The following PTPRK variants were observed in gnomAD, a reference collection of about 807,000 sequenced individuals.
PTPRK encodes the protein receptor-type tyrosine-protein phosphatase kappa.
In PTPRK, 75 loss-of-function variants were observed where a neutral mutation model predicts 178.0. The observed-to-expected ratio is 0.42, with a 90% CI of 0.35 to 0.51. The LOEUF (loss-of-function observed/expected upper bound fraction) is 0.51, where lower values mean the gene tolerates loss of function less well. Among genes scored for constraint, PTPRK ranks in the 20% least tolerant of loss-of-function variants. The pLI is 0.02. For missense variants in PTPRK, 1,441 were observed against 1,797.8 expected (o/e 0.80, Z 3.59); for synonymous variants, 637 against 620.6 (o/e 1.03, Z -0.39).
chr6:128,035,017 G>T (rs1369896086), intron 13 of PTPRK, among the ~76,000 whole-genome samples: 2 of 152,160 alleles, frequency 1.3e-5, no homozygotes, highest in Non-Finnish European at 2.9e-5. Context: ...AGAAAATTTA[G>T]ACAGTGGTCA....
chr6:128,347,480 T>A (rs1227548082), intron 2 of PTPRK, among the ~76,000 whole-genome samples: 1 of 152,134 alleles, frequency 6.6e-6, no homozygotes, highest in South Asian at 2.1e-4. Flanking sequence ...TGAAGAAGGG[T>A]CAATGTGATA....
intron 1 of PTPRK, among the ~76,000 whole-genome samples, chr6:128,468,085 T>C (rs1221334278): frequency 6.6e-6 from 1 of 152,226 alleles, no homozygotes; most frequent in Non-Finnish European, 1.5e-5. Context: ...TTATATTCAG[T>C]ATCCTGCGTC....
chr6:128,326,283 A>G (rs1306119360), intron 2 of PTPRK, among the ~76,000 whole-genome samples: 3 of 152,160 alleles, frequency 2.0e-5, no homozygotes, highest in African/African-American at 7.2e-5. Flanking sequence ...CATTCTGCAT[A>G]TGTATCTCAG....
rs867569794 is a variant in PTPRK at position 128,238,888 on chromosome 6, G to A, written c.693+1147C>T. ...AAAGTAGTAATAATTAGATTAATAT[G>A]AAGTACACCTGTTGTAACCTCCAAT... On this transcript the variant is annotated intron_variant, in intron 5 of 29. Transcript: ENST00000368226. 1.1e-4 allele frequency among the ~76,000 whole-genome samples: 17 copies of A among 152,224 alleles called. No individual in the cohort carries two copies. The Middle Eastern group carries it at 0.01, about 91-fold the overall frequency.
At chr6:128,205,777 CAAAAAA>C (rs57003128) in intron 6 of PTPRK, among the ~76,000 whole-genome samples, 9 of 15,226 alleles carry the variant, frequency 5.9e-4, no homozygotes, top group African/African-American at 1.9e-3. Flanking sequence ...CATCACAGAC[CAAAAAA>C]AAAAAAAAAA....
At chr6:128,105,158 G>C (rs1284538534) in intron 7 of PTPRK, among the ~76,000 whole-genome samples, 1 of 150,174 alleles carries the variant, frequency 6.7e-6, no homozygotes, top group African/African-American at 2.5e-5. Context: ...TTTTGAGACG[G>C]AGTCTTGCTC....
intron 7 of PTPRK, among the ~76,000 whole-genome samples, chr6:128,166,010 T>A (rs1185843528): frequency 6.6e-6 from 1 of 151,712 alleles, no homozygotes; most frequent in Non-Finnish European, 1.5e-5. Flanking sequence ...TAGATATATG[T>A]AAGGATAAAG....
intron 2 of PTPRK, among the ~76,000 whole-genome samples, chr6:128,375,031 T>C (rs933533576): frequency 6.6e-6 from 1 of 150,748 alleles, no homozygotes; most frequent in African/African-American, 2.4e-5. Flanking sequence ...AGGTCTTTAA[T>C]TTTCTCCATG....
intron 7 of PTPRK, among the ~76,000 whole-genome samples, chr6:128,181,840 A>G (rs776397597): frequency 3.3e-5 from 5 of 152,270 alleles, no homozygotes; most frequent in Non-Finnish European, 5.9e-5. Context: ...GTATTTAATT[A>G]TACTATATAT....
intron 2 of PTPRK, among the ~76,000 whole-genome samples, chr6:128,377,721 GA>G (rs1334447106): frequency 1.4e-5 from 2 of 144,742 alleles, no homozygotes; most frequent in African/African-American, 2.6e-5. Context: ...AAAAAAAAAA[GA>G]AAAAAAACCC....
At chr6:128,354,781 C>T (rs558748582) in intron 2 of PTPRK, among the ~76,000 whole-genome samples, 5 of 152,306 alleles carry the variant, frequency 3.3e-5, no homozygotes, top group African/African-American at 1.2e-4. Flanking sequence ...TTTAAACTAA[C>T]TTGCTTAAGA....
chr6:128,284,169 A>T (rs1317545888), intron 3 of PTPRK, among the ~76,000 whole-genome samples: 1 of 152,192 alleles, frequency 6.6e-6, no homozygotes, highest in Admixed American at 6.5e-5. Context: ...GACTTCTGTA[A>T]TTCACAGAAA....
rs113798536 is a variant in PTPRK at position 128,334,775 on chromosome 6, A to G, written c.224-12465T>C. Among the ~76,000 whole-genome samples the G allele has an allele frequency of 6.9e-3, 1,056 of 152,242 alleles. 10 individuals carry two copies. Among genetic ancestry groups the G allele is most frequent in the Middle Eastern group, 0.014 (4 of 294 alleles). On this transcript the variant is annotated intron_variant, in intron 2 of 29. Coordinates refer to ENST00000368226, the MANE Select transcript of PTPRK (RefSeq NM_002844.4). Reference sequence around the variant, plus strand: ...AAAATATAATCTCCCCCATCACCCAAATAAAAGCATATTCCTGTTTATGAA... The same window carrying G: ...AAAATATAATCTCCCCCATCACCCAGATAAAAGCATATTCCTGTTTATGAA...
intron 1 of PTPRK, among the ~76,000 whole-genome samples, chr6:128,510,169 C>T (rs1856961938): frequency 1.3e-5 from 2 of 152,176 alleles, no homozygotes. Context: ...CTGTCTACAC[C>T]CCTATGTGCC....
At chr6:128,213,195 C>A (rs531624297) in intron 6 of PTPRK, among the ~76,000 whole-genome samples, 5 of 152,098 alleles carry the variant, frequency 3.3e-5, no homozygotes, top group African/African-American at 1.2e-4. Flanking sequence ...GAACATCTAG[C>A]ACTCTTTTGC....
At chr6:128,413,277 C>T (rs1842500065) in intron 1 of PTPRK, among the ~76,000 whole-genome samples, 1 of 152,114 alleles carries the variant, frequency 6.6e-6, no homozygotes, top group South Asian at 2.1e-4. Flanking sequence ...TAGAGTACTG[C>T]ACAGACCAGG....
chr6:128,412,548 T>A (rs722796), intron 1 of PTPRK, among the ~76,000 whole-genome samples: 26,507 of 152,144 alleles, frequency 0.17, 4,540 homozygotes, highest in African/African-American at 0.45. Context: ...AAAGCCAACA[T>A]GCTGGCCAGG....
chr6:128,005,107 T>C lies in PTPRK; in HGVS notation c.2471A>G (p.Asp824Gly), dbSNP rs769568034. The C allele has an allele frequency of 1.2e-6, 2 of 1,609,626 alleles. No individual in the cohort carries two copies. The highest frequency in any genetic ancestry group is 1.7e-6 in the Non-Finnish European group (2 of 1,177,346). ...AEDPLSITFM[D>G]QHNFSPRYEN... ...ACATCTTGGACTAAAGTTATGTTGGTCCATGAAGGTGATGGAAAGAGGATC... is the reference window on the plus strand; with the variant it reads ...ACATCTTGGACTAAAGTTATGTTGGCCCATGAAGGTGATGGAAAGAGGATC... The change falls in exon 15 of 30, where the codon GAC (aspartate) becomes GGC (glycine). Residue 824 changes from aspartate to glycine, a missense_variant. Asp to Gly is a moderately conservative substitution (Grantham distance 94). Coordinates refer to ENST00000368226, the MANE Select transcript of PTPRK (RefSeq NM_002844.4).
chr6:127,996,791 A>T, intron 17 of PTPRK, 110 bp downstream of exon 17: 1 of 1,339,140 alleles, frequency 7.5e-7, no homozygotes, highest in Non-Finnish European at 1.0e-6. Flanking sequence ...TTTTAATATT[A>T]AATAGATTAC....
Sources: gnomAD v4.1 joint callset for allele counts (sites outside exome capture counted in the v4.1 genomes callset) on GRCh38, gnomAD v4.1.1 for gene constraint, MANE v1.5 for transcripts, NCBI Gene and HGNC (gene_info 2026-07-23, HGNC 2026-07-21) for gene names.